The following DIAPH2 variants were observed in gnomAD, a reference collection of about 807,000 sequenced individuals.
DIAPH2 encodes the protein diaphanous related formin 2.
DIAPH2 carries 35 observed loss-of-function variants against 92.7 expected under a neutral mutation model. That is an observed-to-expected ratio of 0.38 (90% CI 0.29 to 0.50). The LOEUF (loss-of-function observed/expected upper bound fraction) is 0.50. Among genes scored for constraint, DIAPH2 ranks in the 20% least tolerant of loss-of-function variants. The pLI, the probability that DIAPH2 is intolerant of heterozygous loss-of-function variation, is 0.94. For synonymous variants in DIAPH2, 301 were observed against 280.4 expected (o/e 1.07, Z -0.73); for missense variants, 701 against 819.5 (o/e 0.86, Z 1.77).
At chrX:97,274,501 C>G (rs184682653) in intron 23 of DIAPH2, among the ~76,000 whole-genome samples, 1,250 of 88,795 alleles carry the variant, frequency 0.014, 19 homozygotes, top group African/African-American at 0.047. Flanking sequence ...GAGCGAGACT[C>G]CATCTCAAAA....
intron 26 of DIAPH2, among the ~76,000 whole-genome samples, chrX:97,569,465 C>T (rs2071349627): frequency 1.8e-5 from 2 of 111,775 alleles, no homozygotes; most frequent in African/African-American, 3.2e-5. Context: ...CCATCCATCC[C>T]AAAGTTCATC....
intron 26 of DIAPH2, among the ~76,000 whole-genome samples, chrX:97,587,485 A>AT (rs1307904675): frequency 9.0e-6 from 1 of 111,718 alleles, no homozygotes; most frequent in Non-Finnish European, 1.9e-5. Flanking sequence ...GTTATGAAAG[A>AT]TTTTCATTGC....
At chrX:97,465,394 T>A (rs1009264842) in intron 26 of DIAPH2, among the ~76,000 whole-genome samples, 10 of 112,018 alleles carry the variant, frequency 8.9e-5, no homozygotes, top group Non-Finnish European at 1.9e-4. Flanking sequence ...AAAATATTTT[T>A]AAAAATGACA....
At chrX:97,197,724 A>G (rs1223478484) in intron 22 of DIAPH2, among the ~76,000 whole-genome samples, 1 of 111,512 alleles carries the variant, frequency 9.0e-6, no homozygotes, top group Non-Finnish European at 1.9e-5. Flanking sequence ...TATATATTTG[A>G]TTTGCAGAAT....
chrX:97,486,592 C>T (rs1001394013), intron 26 of DIAPH2, among the ~76,000 whole-genome samples: 3 of 111,528 alleles, frequency 2.7e-5, no homozygotes, highest in Non-Finnish European at 5.6e-5. Context: ...ATTCACAGAC[C>T]TTGATTTTAT....
intron 21 of DIAPH2, among the ~76,000 whole-genome samples, chrX:97,124,397 C>T (rs1358575193): frequency 8.9e-6 from 1 of 112,083 alleles, no homozygotes; most frequent in Admixed American, 9.5e-5. Context: ...TTCATTGCTG[C>T]AAATTAGCTA....
At position 97,085,706 on chromosome X, in the gene DIAPH2, C is replaced by T. The variant is rs756710765; in HGVS notation, c.2247+10445C>T. On this transcript the variant is annotated intron_variant, in intron 19 of 26. Coordinates refer to ENST00000324765, the MANE Select transcript of DIAPH2 (RefSeq NM_006729.5). ...TGCTAGGATTACAGGCCTGAGCCAC[C>T]GCGGCCGGCCAAGAATTTGTCATAT... Among the ~76,000 whole-genome samples the T allele has an allele frequency of 3.7e-3, 413 of 111,917 alleles. 1 individual carries two copies. The highest frequency in any genetic ancestry group is 0.028 in the Middle Eastern group (6 of 217).
intron 4 of DIAPH2, among the ~76,000 whole-genome samples, chrX:96,773,427 T>G (rs1489069893): frequency 9.0e-6 from 1 of 110,818 alleles, no homozygotes; most frequent in Non-Finnish European, 1.9e-5. Flanking sequence ...GTGCCAGGGT[T>G]GTGTGCAGAC....
chrX:97,511,945 A>G (rs1177640499), intron 26 of DIAPH2, among the ~76,000 whole-genome samples: 1 of 113,334 alleles, frequency 8.8e-6, no homozygotes, highest in Non-Finnish European at 1.9e-5. Context: ...ATCAATGTTC[A>G]TCAAGGATTT....
intron 24 of DIAPH2, among the ~76,000 whole-genome samples, chrX:97,349,678 GTCT>G (rs1464700488): frequency 1.8e-5 from 2 of 111,011 alleles, no homozygotes; most frequent in Non-Finnish European, 3.8e-5. Context: ...ATGATCATAT[GTCT>G]TCTTTTTTGC....
intron 17 of DIAPH2, among the ~76,000 whole-genome samples, chrX:97,025,078 C>A (rs995087277): frequency 8.9e-6 from 1 of 112,110 alleles, no homozygotes; most frequent in Non-Finnish European, 1.9e-5. Context: ...AGGCTGGGTG[C>A]GGTGGCTCAC....
At chrX:96,717,203 G>A (rs933869070) in intron 1 of DIAPH2, among the ~76,000 whole-genome samples, 1 of 111,835 alleles carries the variant, frequency 8.9e-6, no homozygotes, top group Non-Finnish European at 1.9e-5. Context: ...TGTATGACTT[G>A]AATACTTTTA....
At chrX:97,394,726 C>T (rs1490307465) in intron 25 of DIAPH2, among the ~76,000 whole-genome samples, 3 of 111,992 alleles carry the variant, frequency 2.7e-5, no homozygotes, top group Non-Finnish European at 5.6e-5. Flanking sequence ...TAAGTTCAAG[C>T]ATTGGGATAA....
chrX:97,312,581 C>A (rs1167329100), intron 23 of DIAPH2, among the ~76,000 whole-genome samples: 3 of 110,527 alleles, frequency 2.7e-5, no homozygotes, highest in Non-Finnish European at 1.9e-5. Context: ...AACTCCTGAT[C>A]TCAGGTGATC....
chrX:96,789,203 GTGAAAATGCAGCAA>G (rs1258292080), intron 4 of DIAPH2, among the ~76,000 whole-genome samples: 1 of 111,967 alleles, frequency 8.9e-6, no homozygotes, highest in Non-Finnish European at 1.9e-5. Flanking sequence ...TCCTTCAGCA[GTGAAAATGCAGCAA>G]TATATGTGTG....
intron 4 of DIAPH2, among the ~76,000 whole-genome samples, chrX:96,875,839 G>A (rs900067252): frequency 9.0e-6 from 1 of 111,384 alleles, no homozygotes; most frequent in Non-Finnish European, 1.9e-5. Context: ...ATACCATTCA[G>A]GACATAGGCA....
intron 16 of DIAPH2, among the ~76,000 whole-genome samples, chrX:96,961,735 C>G (rs1174161773): frequency 9.1e-6 from 1 of 109,962 alleles, no homozygotes; most frequent in Non-Finnish European, 1.9e-5. Context: ...TTTTCACTTA[C>G]ATTAATACAT....
intron 4 of DIAPH2, among the ~76,000 whole-genome samples, chrX:96,869,557 C>CACT (rs58876338): frequency 0.062 from 6,034 of 97,771 alleles, 368 homozygotes; most frequent in African/African-American, 0.18. Flanking sequence ...CTACTACTAC[C>CACT]ACTACTACTA....
At chrX:97,536,591 TACC>T (rs2071097857) in intron 26 of DIAPH2, among the ~76,000 whole-genome samples, 1 of 112,069 alleles carries the variant, frequency 8.9e-6, no homozygotes, top group Non-Finnish European at 1.9e-5. Flanking sequence ...ATGCTAGAAA[TACC>T]TGTTTGTAGA....
Sources: allele counts gnomAD v4.1 joint callset (sites outside exome capture counted in the v4.1 genomes callset), GRCh38; gene constraint gnomAD v4.1.1; transcripts MANE v1.5; gene names NCBI Gene and HGNC (gene_info 2026-07-23, HGNC 2026-07-21).